The following NAV2 variants were observed in gnomAD, a reference collection of about 807,000 sequenced individuals.
The protein encoded by NAV2 is neuron navigator 2.
A neutral mutation model predicts 223.2 loss-of-function variants in NAV2; 54 were observed. The ratio of observed to expected loss-of-function variants is 0.24; its 90% CI spans 0.19 to 0.30. The LOEUF is 0.30. Ranked by LOEUF, NAV2 falls within the 10% of genes least tolerant of loss-of-function variation. The pLI, the probability that NAV2 is intolerant of heterozygous loss-of-function variation, is 1.00. For synonymous variants in NAV2, 1,279 were observed against 1,239.3 expected, an observed-to-expected ratio of 1.03 and a Z score of -0.67; for missense variants, 2,806 against 3,147.5, an observed-to-expected ratio of 0.89 and a Z score of 2.60.
chr11:19,487,881 G>A (rs1448705362), intron 1 of NAV2, among the ~76,000 whole-genome samples: 1 of 151,884 alleles, frequency 6.6e-6, no homozygotes, highest in African/African-American at 2.4e-5. Flanking sequence ...AGAGGACCCA[G>A]TTGAACTGTC....
chr11:20,000,703 C>T (rs79797612), intron 11 of NAV2, among the ~76,000 whole-genome samples: 12,660 of 152,208 alleles, frequency 0.083, 695 homozygotes, highest in African/African-American at 0.11. Context: ...GGCTTCTGTA[C>T]ACAAGCAGCA....
intron 1 of NAV2, among the ~76,000 whole-genome samples, chr11:19,702,276 C>T (rs995368019): frequency 1.3e-5 from 2 of 152,202 alleles, no homozygotes; most frequent in Non-Finnish European, 2.9e-5. Context: ...AGAGATCCCA[C>T]TTGTCAGTGA....
intron 8 of NAV2, among the ~76,000 whole-genome samples, chr11:19,944,685 T>C (rs1178074204): frequency 1.3e-4 from 20 of 149,350 alleles, no homozygotes; most frequent in African/African-American, 4.8e-4. Flanking sequence ...TTCTCTTCTC[T>C]TTTCTTTCTT....
chr11:19,566,330 G>A (rs565133494), intron 1 of NAV2, among the ~76,000 whole-genome samples: 3 of 152,060 alleles, frequency 2.0e-5, no homozygotes, highest in South Asian at 4.2e-4. Flanking sequence ...CACCCACCTC[G>A]GCCTCCCAAA....
rs750230218 is a variant in NAV2 at position 20,120,128 on chromosome 11, C to G, written c.*1870C>G. On this transcript the variant is annotated 3_prime_UTR_variant, in exon 38 of 38. Coordinates refer to ENST00000349880, the MANE Select transcript of NAV2 (RefSeq NM_145117.5). ...TCCATCTTTTGCATTTCTTCTATTTCTGAAGGTTTGTCTCTTGGCATCTTT... is the reference window on the plus strand; with the variant it reads ...TCCATCTTTTGCATTTCTTCTATTTGTGAAGGTTTGTCTCTTGGCATCTTT... 1 of 152,140 alleles carries G rather than the reference C, an allele frequency of 6.6e-6. No individual in the cohort carries two copies. Among genetic ancestry groups the G allele is most frequent in the East Asian group, 1.9e-4 (1 of 5,194 alleles). 9.4% of individuals were successfully genotyped at this position (152,140 alleles called of 1,614,324 possible).
intron 1 of NAV2, among the ~76,000 whole-genome samples, chr11:19,379,170 T>C: frequency 6.6e-6 from 1 of 151,938 alleles, no homozygotes; most frequent in East Asian, 1.9e-4. Flanking sequence ...ACGGGGCTGG[T>C]GGTGAGGAGA....
chr11:19,553,994 T>C (rs905336864), intron 1 of NAV2, among the ~76,000 whole-genome samples: 1 of 152,232 alleles, frequency 6.6e-6, no homozygotes, highest in Non-Finnish European at 1.5e-5. Context: ...CTGCTTTCTG[T>C]TCCCCTAGCA....
At chr11:19,844,969 A>G (rs753885952) in intron 3 of NAV2, among the ~76,000 whole-genome samples, 2 of 152,152 alleles carry the variant, frequency 1.3e-5, no homozygotes, top group Non-Finnish European at 2.9e-5. Flanking sequence ...GTCCAGGAAA[A>G]TGTGAAAACT....
intron 6 of NAV2, among the ~76,000 whole-genome samples, chr11:19,911,857 A>G (rs949419240): frequency 2.6e-5 from 4 of 152,166 alleles, no homozygotes; most frequent in Non-Finnish European, 5.9e-5. Flanking sequence ...TGATCGGTTT[A>G]TTTGTGGACA....
At chr11:19,718,334 A>G (rs9665848) in intron 1 of NAV2, among the ~76,000 whole-genome samples, 85,611 of 152,056 alleles carry the variant, frequency 0.56, 25,455 homozygotes, top group African/African-American at 0.76. Flanking sequence ...AGTTGCAAGG[A>G]AAAAAAGAAA....
chr11:19,804,234 T>A (rs1251108042), intron 1 of NAV2, among the ~76,000 whole-genome samples: 4 of 152,186 alleles, frequency 2.6e-5, no homozygotes, highest in Non-Finnish European at 5.9e-5. Context: ...ATGGACAAAA[T>A]TATTCATTTT....
chr11:20,105,310 C>T (rs903720137), intron 34 of NAV2: 12 of 436,218 alleles, frequency 2.8e-5, no homozygotes, highest in African/African-American at 4.0e-5. Context: ...CATTTCTGTC[C>T]GTAAAACGGA....
At chr11:20,056,666 C>T (rs1463699325) in intron 19 of NAV2, 2 of 1,367,948 alleles carry the variant, frequency 1.5e-6, no homozygotes, top group East Asian at 4.6e-5. Flanking sequence ...GGATATCATC[C>T]CCACCCCATG....
At chr11:20,059,706 C>A (rs2058589104) in intron 19 of NAV2, among the ~76,000 whole-genome samples, 1 of 152,194 alleles carries the variant, frequency 6.6e-6, no homozygotes, top group African/African-American at 2.4e-5. Context: ...TTAAACAAGT[C>A]ATTTCACCTC....
intron 6 of NAV2, among the ~76,000 whole-genome samples, chr11:19,927,860 A>G (rs1353414153): frequency 6.6e-6 from 1 of 152,204 alleles, no homozygotes; most frequent in African/African-American, 2.4e-5. Flanking sequence ...GGATGGCAAT[A>G]TATCATTCTT....
intron 1 of NAV2, among the ~76,000 whole-genome samples, chr11:19,766,114 T>A (rs1446175135): frequency 6.6e-6 from 1 of 151,958 alleles, no homozygotes; most frequent in Non-Finnish European, 1.5e-5. Flanking sequence ...AAGGACAATT[T>A]TTTAATTATA....
At chr11:19,830,542 G>T (rs1334034231) in intron 1 of NAV2, among the ~76,000 whole-genome samples, 1 of 152,204 alleles carries the variant, frequency 6.6e-6, no homozygotes, top group East Asian at 1.9e-4. Context: ...GAGTTAACGT[G>T]TGTAAAATGT....
chr11:19,461,833 G>A (rs1164446183), intron 1 of NAV2, among the ~76,000 whole-genome samples: 1 of 152,194 alleles, frequency 6.6e-6, no homozygotes, highest in African/African-American at 2.4e-5. Context: ...AGATGTGTGT[G>A]TGTGGAAACT....
intron 1 of NAV2, among the ~76,000 whole-genome samples, chr11:19,477,825 T>C (rs2042163975): frequency 6.6e-6 from 1 of 152,196 alleles, no homozygotes; most frequent in African/African-American, 2.4e-5. Context: ...GATTAGGGCA[T>C]TGCCTGAAGT....
Sources: gnomAD v4.1 joint callset for allele counts (sites outside exome capture counted in the v4.1 genomes callset) on GRCh38, gnomAD v4.1.1 for gene constraint, MANE v1.5 for transcripts, NCBI Gene and HGNC (gene_info 2026-07-23, HGNC 2026-07-21) for gene names.